The following ZNF91 variants were observed in gnomAD, a reference collection of about 807,000 sequenced individuals.
The protein encoded by ZNF91 is zinc finger protein 91.
Under a neutral mutation model 12.6 loss-of-function variants are expected in ZNF91, and 7 were observed. The observed-to-expected ratio is 0.55, with a 90% CI of 0.31 to 1.04. The LOEUF is 1.04. ZNF91 is among the 50% of genes least tolerant of loss of function. The pLI is 0.05. For synonymous variants in ZNF91, 453 were observed against 462.6 expected (o/e 0.98, Z 0.27); for missense variants, 1,217 against 1,385.4 (o/e 0.88, Z 1.93).
chr19:23,360,292 G>GT lies in ZNF91; in HGVS notation c.2686dup (p.Thr896AsnfsTer4), dbSNP rs1332971056. 6.2e-7 allele frequency: 1 copy of GT among 1,613,758 alleles called. No homozygotes were observed. Among genetic ancestry groups the GT allele is most frequent in the South Asian group, 1.1e-5 (1 of 91,054 alleles). On this transcript the variant is annotated frameshift_variant, in exon 4 of 4. Coordinates refer to ENST00000300619, the MANE Select transcript of ZNF91 (RefSeq NM_003430.4). LOFTEE classifies it low-confidence loss of function (END_TRUNC). ...ATGAATTCTCTTATGTTCAGTAAGG[G>GT]TTGAGGACCAGATAAATGCTTTGTC...
At chr19:23,365,178 GAAAA>G (rs1230472886) in intron 3 of ZNF91, among the ~76,000 whole-genome samples, 1 of 146,298 alleles carries the variant, frequency 6.8e-6, no homozygotes, top group Non-Finnish European at 1.5e-5. Context: ...TGTAATAAAA[GAAAA>G]AAAATTCTAA....
rs1968175962 is a variant in ZNF91, at chr19:23,344,218, C to T, written c.254-5164G>A. ...CACGCCATTGTTCTACCTCAGCCTC[C>T]CGAGTAGCTGGGACTACTGGCGCCC... On this transcript the variant is annotated intron_variant, in intron 3 of 3. Transcript: ENST00000599743. 2.0e-5 allele frequency among the ~76,000 whole-genome samples: 3 copies of T among 152,042 alleles called. No individual in the cohort carries two copies. The South Asian group carries it at 6.2e-4, about 31-fold the overall frequency.
At chr19:23,346,244 C>A (rs1488083408) in intron 3 of ZNF91, among the ~76,000 whole-genome samples, 1 of 152,040 alleles carries the variant, frequency 6.6e-6, no homozygotes, top group Non-Finnish European at 1.5e-5. Context: ...CTACATTATC[C>A]TCTCTGCCAC....
chr19:23,321,356 C>T (rs763711114), intron 1 of ZNF91, among the ~76,000 whole-genome samples: 3 of 152,090 alleles, frequency 2.0e-5, no homozygotes, highest in Non-Finnish European at 4.4e-5. Context: ...CTTGGTGCTG[C>T]ACAGAAGGGA....
intron 3 of ZNF91, among the ~76,000 whole-genome samples, chr19:23,340,730 T>A (rs1371897862): frequency 6.6e-6 from 1 of 150,558 alleles, no homozygotes; most frequent in Non-Finnish European, 1.5e-5. Context: ...AAACTATTAT[T>A]AAATTATTAT....
At chr19:23,323,795 TCTC>T (rs563312398) in intron 1 of ZNF91, among the ~76,000 whole-genome samples, 253 of 150,998 alleles carry the variant, frequency 1.7e-3, no homozygotes, top group South Asian at 0.011. Context: ...TCTTCCTCCT[TCTC>T]CTCTTTTTCT....
intron 3 of ZNF91, among the ~76,000 whole-genome samples, chr19:23,347,250 C>T (rs1279437794): frequency 1.3e-5 from 2 of 152,122 alleles, no homozygotes; most frequent in African/African-American, 4.8e-5. Flanking sequence ...TCTCATTATG[C>T]GTTCCACATA....
intron 1 of ZNF91, among the ~76,000 whole-genome samples, chr19:23,382,049 C>CAAAAA (rs60814223): frequency 1.0e-4 from 8 of 79,382 alleles, no homozygotes; most frequent in Non-Finnish European, 1.4e-4. Context: ...AATCCTGAGA[C>CAAAAA]AAAAAAAAAA....
downstream of ZNF91, among the ~76,000 whole-genome samples, chr19:23,356,330 TATATATAA>T (rs1162570743): frequency 2.6e-5 from 4 of 152,038 alleles, no homozygotes; most frequent in Non-Finnish European, 4.4e-5. Context: ...TGTGTGTATA[TATATATAA>T]ATATATAAAC....
intron 3 of ZNF91, chr19:23,305,133 T>G (rs941730735): frequency 2.0e-5 from 3 of 152,212 alleles, no homozygotes; most frequent in Non-Finnish European, 4.4e-5. Flanking sequence ...GAAGATAGAC[T>G]GCAATATTGA....
intron 3 of ZNF91, 147 bp from the exon 4 acceptor site, chr19:23,362,872 T>G (rs1409213884): frequency 8.2e-7 from 1 of 1,212,182 alleles, no homozygotes; most frequent in African/African-American, 1.6e-5. Flanking sequence ...CTATTTTTGT[T>G]TTTTTGTTTG....
At position 23,368,546 on chromosome 19, in the gene ZNF91, C is replaced by A. The variant is rs867395122; in HGVS notation, c.253+5196G>T. ...TCTCTCTCTCTCTCTCTCTCTCTCT[C>A]TCTCTCTCTCTCTCTCTATATATAT... On this transcript the variant is annotated intron_variant, in intron 3 of 3. Coordinates refer to ENST00000300619, the MANE Select transcript of ZNF91 (RefSeq NM_003430.4). Among the ~76,000 whole-genome samples the A allele has an allele frequency of 5.1e-3, 469 of 92,694 alleles. 4 individuals carry two copies. Among genetic ancestry groups the A allele is most frequent in the Middle Eastern group, 0.012 (2 of 170 alleles). The allele number at this position is 92,694 out of a possible 152,430, so 60.8% of individuals were successfully genotyped here.
At chr19:23,341,970 C>T (rs143419424) in intron 3 of ZNF91, among the ~76,000 whole-genome samples, 1 of 152,262 alleles carries the variant, frequency 6.6e-6, no homozygotes, top group East Asian at 1.9e-4. Flanking sequence ...AGGAAAATCA[C>T]TAAATAGGAA....
intron 3 of ZNF91, among the ~76,000 whole-genome samples, chr19:23,342,732 T>A (rs1205947089): frequency 6.6e-6 from 1 of 151,956 alleles, no homozygotes; most frequent in East Asian, 1.9e-4. Context: ...AGAAGCCTGA[T>A]GGTATATTAG....
chr19:23,360,277 T>C lies in ZNF91; in HGVS notation c.2702A>G (p.Lys901Arg). The C allele has an allele frequency of 6.2e-7, 1 of 1,613,898 alleles. No homozygotes were observed. Among genetic ancestry groups the C allele is most frequent in the Non-Finnish European group, 8.5e-7 (1 of 1,179,864 alleles). ...GGTTTTCTCTCTGGTATGAATTCTCTTATGTTCAGTAAGGGTTGAGGACCA... is the reference window on the plus strand; with the variant it reads ...GGTTTTCTCTCTGGTATGAATTCTCCTATGTTCAGTAAGGGTTGAGGACCA... ...FIWSSTLTEHKRIHTREKTYK... is the reference protein window; with the variant it reads ...FIWSSTLTEHRRIHTREKTYK... The change falls in exon 4 of 4, where the codon AAG (lysine) becomes AGG (arginine). Residue 901 changes from lysine to arginine, a missense_variant. Physicochemically the swap from Lys to Arg is conservative, Grantham distance 26. Transcript: ENST00000300619.
chr19:23,395,417 A>C lies in ZNF91; in HGVS notation c.-63T>G. The C allele has an allele frequency of 1.3e-6, 2 of 1,594,940 alleles. No homozygotes were observed. The highest frequency in any genetic ancestry group is 1.7e-5 in the Admixed American group (1 of 57,712). On this transcript the variant is annotated 5_prime_UTR_variant, in exon 1 of 4. Coordinates refer to ENST00000300619, the MANE Select transcript of ZNF91 (RefSeq NM_003430.4). Reference sequence around the variant, plus strand: ...CCACACAGGCTGGGCCTCCTGGAGCAGAGGACACAGAGCAGTGAAGTCGAG... The same window carrying C: ...CCACACAGGCTGGGCCTCCTGGAGCCGAGGACACAGAGCAGTGAAGTCGAG...
At chr19:23,390,866 T>C (rs1033466100) in intron 1 of ZNF91, among the ~76,000 whole-genome samples, 5 of 152,238 alleles carry the variant, frequency 3.3e-5, no homozygotes, top group African/African-American at 9.6e-5. Flanking sequence ...GCATGAGCCA[T>C]TGTGCCTGAT....
At chr19:23,366,197 T>C (rs1969007230) in intron 3 of ZNF91, among the ~76,000 whole-genome samples, 1 of 151,342 alleles carries the variant, frequency 6.6e-6, no homozygotes, top group Non-Finnish European at 1.5e-5. Flanking sequence ...CGGCGGGGGC[T>C]GACCCCCCCA....
chr19:23,316,644 T>C (rs1290796731), intron 1 of ZNF91, among the ~76,000 whole-genome samples: 1 of 152,218 alleles, frequency 6.6e-6, no homozygotes, highest in Non-Finnish European at 1.5e-5. Context: ...ACATATATCT[T>C]GGTCCAACTA....
Sources: allele counts gnomAD v4.1 joint callset (sites outside exome capture counted in the v4.1 genomes callset), GRCh38; gene constraint gnomAD v4.1.1; transcripts MANE v1.5; gene names NCBI Gene and HGNC (gene_info 2026-07-23, HGNC 2026-07-21).